ADGRA3: variants seen among roughly 807,000 people sequenced by gnomAD.
ADGRA3 encodes adhesion G protein-coupled receptor A3, also known as G-protein coupled receptor 125.
A neutral mutation model predicts 119.8 loss-of-function variants in ADGRA3; 56 were observed. The ratio of observed to expected loss-of-function variants is 0.47; its 90% CI spans 0.38 to 0.58. The LOEUF is 0.58. ADGRA3 is among the 20% of genes least tolerant of loss of function. ADGRA3 has a pLI of 0.00. For missense variants in ADGRA3, 1,516 were observed against 1,649.0 expected, an observed-to-expected ratio of 0.92 and a Z score of 1.40; for synonymous variants, 607 against 623.8, an observed-to-expected ratio of 0.97 and a Z score of 0.40.
chr4:22,397,169 G>C (rs1190880733), intron 16 of ADGRA3, among the ~76,000 whole-genome samples: 1 of 126,906 alleles, frequency 7.9e-6, no homozygotes, highest in East Asian at 2.7e-4. Flanking sequence ...ATCAACTACT[G>C]TAATTCTTTT....
chr4:22,494,822 A>G (rs2109155817), intron 1 of ADGRA3, among the ~76,000 whole-genome samples: 1 of 152,040 alleles, frequency 6.6e-6, no homozygotes, highest in Admixed American at 6.5e-5. Flanking sequence ...CAAAGGTGAA[A>G]ACTATATACA....
chr4:22,443,258 T>A (rs935876676), intron 6 of ADGRA3: 2 of 490,338 alleles, frequency 4.1e-6, no homozygotes, highest in Non-Finnish European at 7.1e-6. Flanking sequence ...AGTTTTTGGC[T>A]GTAAAACTAA....
At chr4:22,472,186 T>C (rs1666191706) in intron 2 of ADGRA3, among the ~76,000 whole-genome samples, 1 of 152,238 alleles carries the variant, frequency 6.6e-6, no homozygotes, top group South Asian at 2.1e-4. Context: ...ACTAAATGCC[T>C]GACACTGTGT....
chr4:22,442,575 A>G, intron 7 of ADGRA3, 75 bp downstream of exon 7: 2 of 1,005,394 alleles, frequency 2.0e-6, no homozygotes, highest in Non-Finnish European at 1.5e-6. Flanking sequence ...AAATTCCACT[A>G]AACATTACAC....
At chr4:22,428,661 A>G (rs1162585405) in intron 10 of ADGRA3, among the ~76,000 whole-genome samples, 1 of 152,108 alleles carries the variant, frequency 6.6e-6, no homozygotes, top group Non-Finnish European at 1.5e-5. Context: ...AATTTAGTAC[A>G]CTACTGAGAT....
intron 14 of ADGRA3, among the ~76,000 whole-genome samples, chr4:22,406,128 C>T (rs1434443327): frequency 1.3e-5 from 2 of 152,138 alleles, no homozygotes; most frequent in African/African-American, 2.4e-5. Context: ...ATCCATGTTG[C>T]TGCAAATGAC....
chr4:22,491,564 C>T (rs1560344121), intron 1 of ADGRA3, among the ~76,000 whole-genome samples: 2 of 152,114 alleles, frequency 1.3e-5, no homozygotes, highest in Admixed American at 6.5e-5. Context: ...CTCCCACCCA[C>T]GATATCTGGT....
chr4:22,513,143 CTT>C (rs142313161), intron 1 of ADGRA3, among the ~76,000 whole-genome samples: 28 of 133,464 alleles, frequency 2.1e-4, no homozygotes, highest in Admixed American at 2.3e-4. Flanking sequence ...CAACTTTCCT[CTT>C]TTTTTTTTTT....
At chr4:22,459,651 CA>C (rs1442601242) in intron 3 of ADGRA3, among the ~76,000 whole-genome samples, 3 of 151,724 alleles carry the variant, frequency 2.0e-5, no homozygotes, top group Non-Finnish European at 4.4e-5. Flanking sequence ...AAAAAATACC[CA>C]CACACACTGG....
intron 3 of ADGRA3, among the ~76,000 whole-genome samples, chr4:22,460,853 A>G (rs768314008): frequency 6.6e-6 from 1 of 152,188 alleles, no homozygotes; most frequent in African/African-American, 2.4e-5. Context: ...AAGTCAGGGC[A>G]TGGTAAGTGG....
intron 15 of ADGRA3, 150 bp downstream of exon 15, chr4:22,402,525 T>C: frequency 2.9e-6 from 2 of 701,718 alleles, no homozygotes; most frequent in Non-Finnish European, 2.3e-6. Flanking sequence ...TCTAATGGCA[T>C]GAAATGAAGG....
intron 4 of ADGRA3, among the ~76,000 whole-genome samples, chr4:22,449,047 G>C (rs1716931825): frequency 6.6e-6 from 1 of 151,998 alleles, no homozygotes; most frequent in South Asian, 2.1e-4. Flanking sequence ...GAGGTGGGTG[G>C]ATCACCTGAG....
chr4:22,506,697 T>C (rs1376210817), intron 1 of ADGRA3, among the ~76,000 whole-genome samples: 3 of 151,790 alleles, frequency 2.0e-5, no homozygotes, highest in Non-Finnish European at 4.4e-5. Flanking sequence ...CCGCTACACA[T>C]AGGTAATTCC....
intron 1 of ADGRA3, among the ~76,000 whole-genome samples, chr4:22,498,759 C>T (rs891097786): frequency 1.3e-5 from 2 of 151,850 alleles, no homozygotes; most frequent in Non-Finnish European, 2.9e-5. Context: ...ACTAAAAATA[C>T]AAAAATTAGC....
chr4:22,500,128 CGTCT>C lies in ADGRA3; in HGVS notation c.257+15396_257+15399del, dbSNP rs1195629892. On this transcript the variant is annotated intron_variant, in intron 1 of 18. Transcript: ENST00000334304. ...TGGTCGACCTGCACTTTGCTTTTCC[CGTCT>C]GTCAGTCATCGCTGAAGGAATGCTT... 2.0e-5 allele frequency among the ~76,000 whole-genome samples: 3 copies of C among 152,290 alleles called. No individual in the cohort carries two copies. In the East Asian group the frequency reaches 5.8e-4, roughly 29 times the overall value.
intron 10 of ADGRA3, among the ~76,000 whole-genome samples, chr4:22,429,302 T>C (rs750225621): frequency 2.0e-5 from 3 of 152,152 alleles, no homozygotes; most frequent in Admixed American, 2.0e-4. Context: ...TCTGGAGAAC[T>C]CTCCAGCAGA....
At chr4:22,401,344 A>G (rs541061701) in intron 16 of ADGRA3, 87 bp downstream of exon 16, 3 of 1,212,098 alleles carry the variant, frequency 2.5e-6, no homozygotes, top group South Asian at 1.7e-5. Context: ...AAAAGGTATT[A>G]AAGAATGATT....
chr4:22,437,461 T>C (rs183044460), intron 8 of ADGRA3, among the ~76,000 whole-genome samples: 1 of 152,150 alleles, frequency 6.6e-6, no homozygotes, highest in Non-Finnish European at 1.5e-5. Context: ...TAATAAACAA[T>C]CTTTATGCTG....
At chr4:22,437,883 G>T (rs1716457305) in intron 8 of ADGRA3, among the ~76,000 whole-genome samples, 1 of 151,968 alleles carries the variant, frequency 6.6e-6, no homozygotes, top group Non-Finnish European at 1.5e-5. Flanking sequence ...AACCTTCCAA[G>T]GTTCATCTAT....
Sources: gnomAD v4.1 joint callset for allele counts (sites outside exome capture counted in the v4.1 genomes callset) on GRCh38, gnomAD v4.1.1 for gene constraint, MANE v1.5 for transcripts, NCBI Gene and HGNC (gene_info 2026-07-23, HGNC 2026-07-21) for gene names.